The following PPA2 variants were observed in gnomAD, a reference collection of about 807,000 sequenced individuals.
The protein encoded by PPA2 is inorganic pyrophosphatase 2.
A neutral mutation model predicts 49.5 loss-of-function variants in PPA2; 48 were observed. The observed-to-expected ratio is 0.97, with a 90% CI of 0.77 to 1.23. The LOEUF is 1.23. PPA2 is among the 50% of genes most tolerant of loss of function. PPA2 has a pLI of 0.00. For synonymous variants in PPA2, 131 were observed against 139.9 expected (o/e 0.94, Z 0.45); for missense variants, 429 against 410.1 (o/e 1.05, Z -0.40).
rs555545927 is a variant in PPA2, at chr4:105,440,167, G to A, written c.442-2131C>T. ...AAGCTAGAAGTCCCATTGGCCTAAA[G>A]GAAAACATCTAGATTCTACCACAAA... On this transcript the variant is annotated intron_variant, in intron 5 of 11. Transcript: ENST00000341695. Among the ~76,000 whole-genome samples, 22 of 152,114 alleles carry A rather than the reference G, an allele frequency of 1.4e-4. No individual in the cohort carries two copies. The South Asian group carries it at 2.5e-3, about 17-fold the overall frequency.
At chr4:105,377,008 A>G (rs1186939676) in intron 10 of PPA2, among the ~76,000 whole-genome samples, 2 of 152,192 alleles carry the variant, frequency 1.3e-5, no homozygotes, top group Non-Finnish European at 2.9e-5. Context: ...AGCACATGGG[A>G]GAATTTTGGG....
chr4:105,449,290 C>T (rs535413807), intron 4 of PPA2, 60 bp downstream of exon 4: 1 of 916,170 alleles, frequency 1.1e-6, no homozygotes, highest in East Asian at 3.7e-5. Flanking sequence ...AAACAACTTG[C>T]AACAAAGTTT....
chr4:105,401,129 A>T (rs545370064), intron 7 of PPA2, among the ~76,000 whole-genome samples: 15 of 152,152 alleles, frequency 9.9e-5, no homozygotes, highest in Non-Finnish European at 2.2e-4. Flanking sequence ...AAGTGTATAA[A>T]CTTATTTGTA....
chr4:105,429,883 G>T (rs944439203), intron 6 of PPA2, among the ~76,000 whole-genome samples: 1 of 152,002 alleles, frequency 6.6e-6, no homozygotes, highest in Non-Finnish European at 1.5e-5. Flanking sequence ...GACAAAACAG[G>T]TTTCATAAAA....
rs1486030020 is a variant in PPA2 at position 105,474,019 on chromosome 4, C to T, written c.32G>A (p.Gly11Asp). Residue 11 changes from glycine (G) to aspartate (D), a missense_variant, in exon 1 of 12, where the codon GGT (glycine) becomes GAT (aspartate). Gly to Asp is a moderately conservative substitution (Grantham distance 94). Coordinates refer to ENST00000341695, the MANE Select transcript of PPA2 (RefSeq NM_176869.3). ...CCGCAGGCACGCAGCGGCTGGGGCA[C>T]CCGTGCGCAGCAGCCGCAGCAGCGC... is the stretch of plus-strand genomic sequence containing the variant. MSALLRLLRT[G>D]APAAACLRLG... 1 of 1,601,018 alleles carries T rather than the reference C, an allele frequency of 6.2e-7. No individual in the cohort carries two copies. The highest frequency in any genetic ancestry group is 8.5e-7 in the Non-Finnish European group (1 of 1,174,338).
intron 10 of PPA2, among the ~76,000 whole-genome samples, chr4:105,378,838 A>T (rs1733362169): frequency 6.6e-6 from 1 of 152,152 alleles, no homozygotes; most frequent in Non-Finnish European, 1.5e-5. Flanking sequence ...AAATATATGT[A>T]GGTCTGTGTC....
chr4:105,472,236 G>A (rs1361861497), intron 1 of PPA2, among the ~76,000 whole-genome samples: 1 of 152,214 alleles, frequency 6.6e-6, no homozygotes, highest in Non-Finnish European at 1.5e-5. Flanking sequence ...CACACAGCGA[G>A]TTAACGGCAG....
intron 3 of PPA2, among the ~76,000 whole-genome samples, chr4:105,450,712 A>G (rs1722639566): frequency 6.9e-6 from 1 of 144,056 alleles, no homozygotes; most frequent in African/African-American, 2.6e-5. Context: ...GGTTCACGCC[A>G]TTCTCCTGCC....
In PPA2 at chr4:105,391,344, C is replaced by CAAAAAAAAAAAAAAAAAA. The variant is rs11373169; in HGVS notation, c.870-4726_870-4709dup. On this transcript the variant is annotated intron_variant, in intron 9 of 11. Coordinates refer to ENST00000341695, the MANE Select transcript of PPA2 (RefSeq NM_176869.3). ...ACATGTATCCTGGAACTTAAAGTAA[C>CAAAAAAAAAAAAAAAAAA]AAAAAAAAAAAAAAAAAAAGGAAGT... Among the ~76,000 whole-genome samples, 2 of 102,518 alleles carry CAAAAAAAAAAAAAAAAAA rather than the reference C, an allele frequency of 2.0e-5. 1 individual carries two copies. Among genetic ancestry groups the CAAAAAAAAAAAAAAAAAA allele is most frequent in the Non-Finnish European group, 3.7e-5 (2 of 53,594 alleles). 67.3% of individuals were successfully genotyped at this position (102,518 alleles called of 152,430 possible). A position where few individuals can be genotyped will look rare whatever the true frequency, so the allele number is the denominator to read the frequency against.
chr4:105,407,136 T>A (rs1366417603), intron 7 of PPA2: 3 of 81,198 alleles, frequency 3.7e-5, no homozygotes, highest in African/African-American at 1.6e-4. Flanking sequence ...AGGAGTGCAC[T>A]ACAAGCATAG....
chr4:105,405,591 C>G (rs1722429468), intron 7 of PPA2: 2 of 1,002,822 alleles, frequency 2.0e-6, no homozygotes, highest in Admixed American at 1.1e-4. Flanking sequence ...AGCATATTAA[C>G]CAAATTATCA....
At chr4:105,396,956 G>A (rs1360275952) in intron 8 of PPA2, among the ~76,000 whole-genome samples, 2 of 152,164 alleles carry the variant, frequency 1.3e-5, no homozygotes, top group African/African-American at 2.4e-5. Context: ...TCCACTGTCT[G>A]AAAGCAGTAC....
intron 7 of PPA2, chr4:105,399,581 A>G (rs2110395343): frequency 6.5e-6 from 1 of 154,298 alleles, no homozygotes; most frequent in East Asian, 1.9e-4. Context: ...AAAAGAAAGC[A>G]TTATAAAAGT....
At chr4:105,378,060 G>A (rs1048128485) in intron 10 of PPA2, among the ~76,000 whole-genome samples, 5 of 152,030 alleles carry the variant, frequency 3.3e-5, no homozygotes, top group Admixed American at 1.3e-4. Context: ...ATATATGAGT[G>A]GAATGACTTG....
intron 9 of PPA2, among the ~76,000 whole-genome samples, chr4:105,390,109 T>G (rs563372534): frequency 2.0e-5 from 3 of 152,152 alleles, no homozygotes; most frequent in Admixed American, 2.0e-4. Context: ...GCTATCCATA[T>G]GCAGAAAAGT....
At chr4:105,454,649 A>AAT (rs1472547888) in intron 2 of PPA2, among the ~76,000 whole-genome samples, 1 of 152,024 alleles carries the variant, frequency 6.6e-6, no homozygotes, top group Non-Finnish European at 1.5e-5. Context: ...TTTTATTCTT[A>AAT]ATATACCACA....
intron 7 of PPA2, among the ~76,000 whole-genome samples, chr4:105,420,785 C>T (rs892132417): frequency 6.6e-6 from 1 of 152,010 alleles, no homozygotes; most frequent in Non-Finnish European, 1.5e-5. Context: ...TAGAACTAAC[C>T]AAGCATTGAA....
At chr4:105,453,132 C>T (rs1438921956) in intron 3 of PPA2, among the ~76,000 whole-genome samples, 1 of 152,146 alleles carries the variant, frequency 6.6e-6, no homozygotes, top group Non-Finnish European at 1.5e-5. Flanking sequence ...AATCTGGGTT[C>T]CTGTGCTAAT....
intron 9 of PPA2, among the ~76,000 whole-genome samples, chr4:105,394,536 G>A (rs1263848441): frequency 6.6e-6 from 1 of 152,020 alleles, no homozygotes; most frequent in Non-Finnish European, 1.5e-5. Context: ...GGATTCTTGA[G>A]TATTAATTAC....
Sources: gnomAD v4.1 joint callset for allele counts (sites outside exome capture counted in the v4.1 genomes callset) on GRCh38, gnomAD v4.1.1 for gene constraint, MANE v1.5 for transcripts, NCBI Gene and HGNC (gene_info 2026-07-23, HGNC 2026-07-21) for gene names.